The following SUGP2 variants were observed in gnomAD, a reference collection of about 807,000 sequenced individuals.
SUGP2 encodes SURP and G-patch domain containing 2.
SUGP2 carries 24 observed loss-of-function variants against 90.5 expected under a neutral mutation model. The ratio of observed to expected loss-of-function variants is 0.27; its 90% confidence interval spans 0.19 to 0.37. The LOEUF (loss-of-function observed/expected upper bound fraction) is 0.37. Ranked by LOEUF, SUGP2 falls within the 10% of genes least tolerant of loss-of-function variation. The pLI is 1.00. For missense variants in SUGP2, 1,233 were observed against 1,363.3 expected, an observed-to-expected ratio of 0.90 and a Z score of 1.51; for synonymous variants, 473 against 513.4, an observed-to-expected ratio of 0.92 and a Z score of 1.06.
In SUGP2 at chr19:19,002,361, C is replaced by T. The variant is rs1428697313; in HGVS notation, c.2930-687G>A. Among the ~76,000 whole-genome samples, 11 of 147,692 alleles carry T rather than the reference C, an allele frequency of 7.4e-5. No individual in the cohort carries two copies. In the South Asian group the frequency reaches 1.1e-3, roughly 14 times the overall value. On this transcript the variant is annotated intron_variant, in intron 7 of 10. Coordinates refer to ENST00000452918, the MANE Select transcript of SUGP2 (RefSeq NM_001017392.5). ...TGCCACTGCACTCCAGCCTGGGCGA[C>T]AAGAACAAGAGTCCATCTCAAAAAA... is the stretch of plus-strand genomic sequence containing the variant.
chr19:19,024,085 A>G (rs569636920), intron 3 of SUGP2, among the ~76,000 whole-genome samples: 30 of 152,284 alleles, frequency 2.0e-4, no homozygotes, highest in African/African-American at 6.5e-4. Flanking sequence ...AAATTCCCAG[A>G]GAGGTATTTG....
chr19:18,994,564 C>G, intron 9 of SUGP2, 78 bp from the exon 10 acceptor site: 1 of 1,567,020 alleles, frequency 6.4e-7, no homozygotes. Context: ...TGGGCACAAA[C>G]AGTCCATGAG....
intron 2 of SUGP2, among the ~76,000 whole-genome samples, chr19:19,028,015 A>G (rs562220986): frequency 4.6e-5 from 7 of 152,288 alleles, no homozygotes; most frequent in Admixed American, 3.9e-4. Flanking sequence ...GAAGCCTTCC[A>G]GGCAGAGGGG....
chr19:19,029,597 C>T (rs2059068952), intron 2 of SUGP2, among the ~76,000 whole-genome samples: 1 of 151,442 alleles, frequency 6.6e-6, no homozygotes, highest in South Asian at 2.1e-4. Context: ...CACAACCACA[C>T]CTGGCTAATT....
chr19:19,003,894 T>A (rs1041120202), intron 7 of SUGP2, among the ~76,000 whole-genome samples: 1 of 152,002 alleles, frequency 6.6e-6, no homozygotes, highest in Non-Finnish European at 1.5e-5. Context: ...CCCAGGCCCA[T>A]CCCCTCCACA....
In SUGP2 at chr19:19,004,543, T is replaced by G. The variant is rs753866123; in HGVS notation, c.2554A>C (p.Thr852Pro). The change falls in exon 7 of 11, where the codon ACT becomes CCT. Residue 852 changes from threonine (T) to proline (P), a missense_variant. Transcript: ENST00000452918. ...GAACCCGTGGTGTCACCACCACCAG[T>G]GTGAAGGTTGTGCGGAGATGACGTG... is the stretch of plus-strand genomic sequence containing the variant. ...CFTSSPHNLH[T>P]GGGDTTGSQE... 4 of 1,614,190 alleles carry G rather than the reference T, an allele frequency of 2.5e-6. No homozygotes were observed. The highest frequency in any genetic ancestry group is 1.1e-5 in the South Asian group (1 of 91,082).
chr19:19,002,509 T>G (rs1185829489), intron 7 of SUGP2, among the ~76,000 whole-genome samples: 5 of 135,200 alleles, frequency 3.7e-5, no homozygotes, highest in African/African-American at 5.5e-5. Flanking sequence ...AAGTCTGTTT[T>G]TTTTTTTTTT....
rs745468829 is a variant in SUGP2 at position 19,025,737 on chromosome 19, C to T, written c.611G>A (p.Arg204Lys). 3 of 1,613,896 alleles carry T rather than the reference C, an allele frequency of 1.9e-6. No homozygotes were observed. The highest frequency in any genetic ancestry group is 1.3e-5 in the African/African-American group (1 of 74,868). The change falls in exon 3 of 11, where the codon AGG becomes AAG. Residue 204 changes from arginine to lysine, a missense_variant. Coordinates refer to ENST00000452918, the MANE Select transcript of SUGP2 (RefSeq NM_001017392.5). ...DHPGEADSVL[R>K]GGSQVQARGR... ...TCTGGCCTGGACTTGACTGCCGCCC[C>T]TAAGCACAGAGTCAGCCTCCCCAGG...
intron 5 of SUGP2, among the ~76,000 whole-genome samples, chr19:19,009,314 T>C (rs146946396): frequency 1.6e-4 from 24 of 152,296 alleles, no homozygotes; most frequent in African/African-American, 5.3e-4. Flanking sequence ...CCTTCCCACT[T>C]AGTGCTTAGG....
intron 6 of SUGP2, 35 bp downstream of exon 6, chr19:19,008,282 G>GA (rs1568407422): frequency 2.0e-6 from 3 of 1,523,440 alleles, no homozygotes; most frequent in Non-Finnish European, 2.7e-6. Flanking sequence ...CTCTGAGAAA[G>GA]AAAAAGGTGT....
intron 5 of SUGP2, 24 bp downstream of exon 5, chr19:19,009,831 A>G: frequency 6.4e-7 from 1 of 1,573,558 alleles, no homozygotes; most frequent in East Asian, 2.2e-5. Context: ...GGCCCAGAGG[A>G]GGGGGACAGG....
At chr19:19,021,974 ACTT>A (rs1178321234) in intron 3 of SUGP2, among the ~76,000 whole-genome samples, 2 of 151,698 alleles carry the variant, frequency 1.3e-5, no homozygotes, top group African/African-American at 2.4e-5. Context: ...CCATTCCAGC[ACTT>A]CTTTTTTTCT....
intron 4 of SUGP2, among the ~76,000 whole-genome samples, chr19:19,014,855 T>C (rs1270496361): frequency 6.6e-6 from 1 of 150,602 alleles, no homozygotes; most frequent in Non-Finnish European, 1.5e-5. Flanking sequence ...AGAATGTCAA[T>C]GGTCATGCAT....
rs750809730 is a variant in SUGP2, at chr19:19,010,174, TTTC to T, written c.2016_2018del (p.Lys673del). 1.9e-6 allele frequency: 3 copies of T among 1,612,302 alleles called. No homozygotes were observed. The highest frequency in any genetic ancestry group is 2.5e-6 in the Non-Finnish European group (3 of 1,179,606). ...GCCCCCGCCGCTGCCACGGAAGGAG[TTTC>T]TTCTTGAGGTTGCGGACAGCCCGGG... On this transcript the variant is annotated inframe_deletion, in exon 5 of 11. Coordinates refer to ENST00000452918, the MANE Select transcript of SUGP2 (RefSeq NM_001017392.5).
At chr19:19,000,291 C>T (rs904815671) in intron 8 of SUGP2, among the ~76,000 whole-genome samples, 2 of 152,234 alleles carry the variant, frequency 1.3e-5, no homozygotes, top group African/African-American at 4.8e-5. Context: ...GCAAGAGAGA[C>T]CTCCCTTGGC....
chr19:18,997,446 A>T (rs2057647857), intron 8 of SUGP2, among the ~76,000 whole-genome samples: 1 of 152,110 alleles, frequency 6.6e-6, no homozygotes, highest in South Asian at 2.1e-4. Flanking sequence ...CAACCTGGAG[A>T]GGTGCTGAGA....
chr19:19,012,924 C>T (rs1007291196), intron 4 of SUGP2, among the ~76,000 whole-genome samples: 3 of 151,652 alleles, frequency 2.0e-5, no homozygotes, highest in East Asian at 1.9e-4. Context: ...AGTGCAGTGG[C>T]GCAATCTCGG....
chr19:19,025,570 G>A lies in SUGP2; in HGVS notation c.778C>T (p.Arg260Cys), dbSNP rs199504296. The change falls in exon 3 of 11, where the codon CGT (arginine) becomes TGT (cysteine). Residue 260 changes from arginine to cysteine, a missense_variant. Around this residue, in one of 8 missense-constraint regions of SUGP2, gnomAD observed 418 missense variants for 399.9 expected, o/e 1.05. Coordinates refer to ENST00000452918, the MANE Select transcript of SUGP2 (RefSeq NM_001017392.5). ...GTGCCCTGAGTTTTGGGAGTAATACGATTCACGGTGGGTATTTTTTTTGTG... is the reference window on the plus strand; with the variant it reads ...GTGCCCTGAGTTTTGGGAGTAATACAATTCACGGTGGGTATTTTTTTTGTG... ...VSTKKIPTVNRITPKTQGTNQ... is the reference protein window; with the variant it reads ...VSTKKIPTVNCITPKTQGTNQ... The A allele has an allele frequency of 9.9e-6, 16 of 1,613,902 alleles. No homozygotes were observed. The highest frequency in any genetic ancestry group is 2.2e-5 in the South Asian group (2 of 91,072).
At chr19:18,999,096 G>T in intron 8 of SUGP2, 1 of 152,702 alleles carries the variant, frequency 6.5e-6, no homozygotes. Context: ...GCTTGGAGGT[G>T]CAGTGGGAGG....
Sources: allele counts gnomAD v4.1 joint callset (sites outside exome capture counted in the v4.1 genomes callset), GRCh38; gene constraint gnomAD v4.1.1; regional missense constraint gnomAD v4.1.1; transcripts MANE v1.5; gene names NCBI Gene and HGNC (gene_info 2026-07-23, HGNC 2026-07-21).